Variants in SLC71A2 observed in about 807,000 individuals in gnomAD.
SLC71A2 encodes the protein hippocampus abundant transcript-like 1.
the SLC71A2 span, among the ~76,000 whole-genome samples, chr9:94,455,811 G>A: frequency 6.6e-6 from 1 of 152,170 alleles, no homozygotes; most frequent in Non-Finnish European, 1.5e-5. Flanking sequence ...TCTCTCTGTT[G>A]AGGGGTAGCA....
At chr9:94,458,496 A>G in the SLC71A2 span, 10 of 1,605,926 alleles carry the variant, frequency 6.2e-6, no homozygotes, top group African/African-American at 1.1e-4. Context: ...TTTTGTAACA[A>G]CAATTATGTA....
the SLC71A2 span, among the ~76,000 whole-genome samples, chr9:94,436,560 T>C: frequency 1.3e-5 from 2 of 152,184 alleles, no homozygotes; most frequent in Admixed American, 6.5e-5. Context: ...GAGGAAGCTC[T>C]CTTCTTTCAT....
chr9:94,398,059 G>A, the SLC71A2 span, among the ~76,000 whole-genome samples: 1 of 151,646 alleles, frequency 6.6e-6, no homozygotes. Context: ...CTCTGCATGG[G>A]AGATTTGCTT....
At chr9:94,396,801 G>A in the SLC71A2 span, among the ~76,000 whole-genome samples, 27 of 152,050 alleles carry the variant, frequency 1.8e-4, no homozygotes, top group East Asian at 2.5e-3. Flanking sequence ...ACGGAGTTTC[G>A]CTCTTCTTGC....
the SLC71A2 span, among the ~76,000 whole-genome samples, chr9:94,432,389 A>T: frequency 6.6e-6 from 1 of 151,720 alleles, no homozygotes; most frequent in South Asian, 2.1e-4. Flanking sequence ...AACCCCAGCT[A>T]CTTGGGAGGC....
the SLC71A2 span, among the ~76,000 whole-genome samples, chr9:94,422,560 A>C: frequency 6.6e-6 from 1 of 152,196 alleles, no homozygotes; most frequent in Non-Finnish European, 1.5e-5. Flanking sequence ...TGTGTTCAGC[A>C]TCACTATGTA....
chr9:94,445,390 G>A, the SLC71A2 span, among the ~76,000 whole-genome samples: 6 of 152,094 alleles, frequency 3.9e-5, no homozygotes, highest in Non-Finnish European at 7.3e-5. Context: ...CATAAACGAA[G>A]AGAGAGAAAA....
chr9:94,389,957 G>A, the SLC71A2 span, among the ~76,000 whole-genome samples: 1 of 150,680 alleles, frequency 6.6e-6, no homozygotes. Context: ...GCTCACGCCT[G>A]TAATCCCAAC....
chr9:94,377,714 A>C, the SLC71A2 span, among the ~76,000 whole-genome samples: 1 of 151,564 alleles, frequency 6.6e-6, no homozygotes, highest in East Asian at 1.9e-4. Flanking sequence ...TGGCAAAGAG[A>C]TATATTGACC....
the SLC71A2 span, chr9:94,454,165 A>C: frequency 3.7e-6 from 3 of 814,852 alleles, no homozygotes. Context: ...AGCAAGGGTT[A>C]TTTTGCTGGT....
the SLC71A2 span, among the ~76,000 whole-genome samples, chr9:94,436,329 A>C: frequency 6.6e-6 from 1 of 152,156 alleles, no homozygotes; most frequent in Non-Finnish European, 1.5e-5. Context: ...AGAGGTATTG[A>C]GATTTTCTCA....
the SLC71A2 span, among the ~76,000 whole-genome samples, chr9:94,389,788 T>G: frequency 6.6e-6 from 1 of 151,616 alleles, no homozygotes; most frequent in Non-Finnish European, 1.5e-5. Flanking sequence ...TTATTTTTTT[T>G]GCAGAGATGG....
the SLC71A2 span, among the ~76,000 whole-genome samples, chr9:94,403,085 A>T: frequency 6.6e-6 from 1 of 152,146 alleles, no homozygotes; most frequent in Non-Finnish European, 1.5e-5. Context: ...TACTGTAGGT[A>T]CCTCATATAA....
chr9:94,416,075 C>T, the SLC71A2 span, among the ~76,000 whole-genome samples: 1 of 152,110 alleles, frequency 6.6e-6, no homozygotes, highest in Non-Finnish European at 1.5e-5. Context: ...TTGTATGTTT[C>T]ATCTATGATG....
the SLC71A2 span, among the ~76,000 whole-genome samples, chr9:94,444,001 G>A: frequency 1.2e-4 from 18 of 152,058 alleles, no homozygotes; most frequent in African/African-American, 3.4e-4. Context: ...AGTACTTTTA[G>A]TATAATACTA....
At chr9:94,404,056 G>A in the SLC71A2 span, among the ~76,000 whole-genome samples, 2 of 152,134 alleles carry the variant, frequency 1.3e-5, no homozygotes, top group African/African-American at 2.4e-5. Context: ...CTTCTGCTTT[G>A]TGAGGATGCT....
chr9:94,411,384 T>G, the SLC71A2 span, among the ~76,000 whole-genome samples: 2 of 149,168 alleles, frequency 1.3e-5, no homozygotes, highest in Non-Finnish European at 3.0e-5. Flanking sequence ...TTTTGTTGTA[T>G]TACATCATGT....
the SLC71A2 span, among the ~76,000 whole-genome samples, chr9:94,406,058 C>G: frequency 8.7e-6 from 1 of 115,100 alleles, no homozygotes; most frequent in African/African-American, 3.4e-5. Flanking sequence ...GATGCTATTG[C>G]AACTTGAATT....
the SLC71A2 span, among the ~76,000 whole-genome samples, chr9:94,392,217 G>A: frequency 6.7e-6 from 1 of 150,262 alleles, no homozygotes; most frequent in Non-Finnish European, 1.5e-5. Context: ...GAAACTCTTG[G>A]GAATGCTGAC....
Sources: gnomAD v4.1 joint callset for allele counts (sites outside exome capture counted in the v4.1 genomes callset) on GRCh38, gnomAD v4.1.1 for gene constraint, MANE v1.5 for transcripts, NCBI Gene and HGNC (gene_info 2026-07-23, HGNC 2026-07-21) for gene names.